The following SGCD variants were observed in gnomAD, a reference collection of about 807,000 sequenced individuals.
SGCD encodes delta-sarcoglycan.
SGCD carries 18 observed loss-of-function variants against 36.6 expected under a neutral mutation model. The observed-to-expected ratio is 0.49, with a 90% CI of 0.34 to 0.73. The LOEUF (loss-of-function observed/expected upper bound fraction) is 0.73, where lower values mean the gene tolerates loss of function less well. Ranked by LOEUF, SGCD falls within the 30% of genes least tolerant of loss-of-function variation. SGCD has a pLI of 0.01. For synonymous variants in SGCD, 133 were observed against 130.6 expected (o/e 1.02, Z -0.12); for missense variants, 387 against 346.7 (o/e 1.12, Z -0.92).
At chr5:156,025,973 T>G (rs1260892549) in intron 1 of SGCD, among the ~76,000 whole-genome samples, 1 of 152,252 alleles carries the variant, frequency 6.6e-6, no homozygotes, top group Admixed American at 6.5e-5. Flanking sequence ...CCAAGTTTCT[T>G]TGAGCCACAA....
At position 156,014,732 on chromosome 5, in the gene SGCD, A is replaced by G. The variant is rs556136702; in HGVS notation, c.-281-103146A>G. 3.7e-4 allele frequency among the ~76,000 whole-genome samples: 56 copies of G among 152,236 alleles called. No individual in the cohort carries two copies. In the South Asian group the frequency reaches 4.8e-3, roughly 13 times the overall value. Reference sequence around the variant, plus strand: ...CCTTGTGTACAGGATCTTGTCCAAGAGCAGTTTATTTTTCCTGTTTTTTAT... The same window carrying G: ...CCTTGTGTACAGGATCTTGTCCAAGGGCAGTTTATTTTTCCTGTTTTTTAT... On this transcript the variant is annotated intron_variant, in intron 1 of 9. Coordinates refer to the SGCD transcript ENST00000517913.
chr5:155,864,400 A>G, the SGCD span, among the ~76,000 whole-genome samples: 4,266 of 152,276 alleles, frequency 0.028, 102 homozygotes, highest in South Asian at 0.05. Flanking sequence ...ACTGAACTGA[A>G]AATGAGCCAA....
At chr5:156,621,051 T>C (rs1387537583) in intron 6 of SGCD, among the ~76,000 whole-genome samples, 2 of 152,272 alleles carry the variant, frequency 1.3e-5, no homozygotes, top group Non-Finnish European at 2.9e-5. Flanking sequence ...AGCTGTAGTG[T>C]AGGCAGTTCT....
intron 6 of SGCD, among the ~76,000 whole-genome samples, chr5:156,615,698 C>T (rs956708526): frequency 6.6e-6 from 1 of 152,172 alleles, no homozygotes; most frequent in Admixed American, 6.5e-5. Flanking sequence ...ACCACTGTTC[C>T]TGCTCTCTAT....
chr5:155,812,458 A>G, the SGCD span, among the ~76,000 whole-genome samples: 1 of 152,216 alleles, frequency 6.6e-6, no homozygotes, highest in Non-Finnish European at 1.5e-5. Flanking sequence ...TACAATAATC[A>G]GGAGCATTTC....
chr5:156,641,640 A>T (rs979700722), intron 6 of SGCD, among the ~76,000 whole-genome samples: 1 of 152,194 alleles, frequency 6.6e-6, no homozygotes, highest in Non-Finnish European at 1.5e-5. Flanking sequence ...AAAAAGCTGG[A>T]TATTATTTGT....
intron 3 of SGCD, among the ~76,000 whole-genome samples, chr5:156,213,008 T>C (rs924110302): frequency 6.6e-6 from 1 of 152,012 alleles, no homozygotes; most frequent in Non-Finnish European, 1.5e-5. Flanking sequence ...GCCAATTTAA[T>C]AGGGAAGTTT....
chr5:156,468,348 A>G (rs1342188200), intron 3 of SGCD, among the ~76,000 whole-genome samples: 2 of 151,292 alleles, frequency 1.3e-5, no homozygotes, highest in Admixed American at 1.3e-4. Context: ...TCTCAAAAAA[A>G]AAAAAAAAAA....
intron 1 of SGCD, among the ~76,000 whole-genome samples, chr5:156,044,623 A>G (rs151150508): frequency 1.0e-3 from 153 of 152,290 alleles, no homozygotes; most frequent in African/African-American, 3.5e-3. Context: ...GTGACAGTGG[A>G]AATTGGTGTA....
At chr5:156,451,752 A>T (rs531485991) in intron 3 of SGCD, among the ~76,000 whole-genome samples, 2 of 152,304 alleles carry the variant, frequency 1.3e-5, no homozygotes, top group East Asian at 3.9e-4. Context: ...ATCAAACTAC[A>T]ATATGGTACA....
At chr5:156,488,203 G>A (rs1366804323) in intron 3 of SGCD, among the ~76,000 whole-genome samples, 1 of 141,450 alleles carries the variant, frequency 7.1e-6, no homozygotes, top group Non-Finnish European at 1.5e-5. Flanking sequence ...ATGAATATTA[G>A]AATTTAGGGA....
chr5:156,429,839 A>G (rs1355388850), intron 3 of SGCD, among the ~76,000 whole-genome samples: 1 of 152,166 alleles, frequency 6.6e-6, no homozygotes, highest in Non-Finnish European at 1.5e-5. Context: ...GAGACCAAAG[A>G]TAGGACCCAA....
chr5:156,644,431 T>G (rs1326066351), intron 6 of SGCD, among the ~76,000 whole-genome samples: 1 of 152,084 alleles, frequency 6.6e-6, no homozygotes, highest in Non-Finnish European at 1.5e-5. Flanking sequence ...GGCTTTGATG[T>G]TTTAGTTAAG....
chr5:156,208,800 A>T (rs1764358668), intron 3 of SGCD, among the ~76,000 whole-genome samples: 1 of 152,192 alleles, frequency 6.6e-6, no homozygotes, highest in Admixed American at 6.5e-5. Context: ...GGTGGAATAG[A>T]ACTTTCCAGC....
chr5:155,824,504 A>G, the SGCD span, among the ~76,000 whole-genome samples: 1 of 152,154 alleles, frequency 6.6e-6, no homozygotes, highest in East Asian at 1.9e-4. Context: ...TGGGAAAATA[A>G]ATTCATTTTA....
At chr5:156,202,787 G>A (rs1764182070) in intron 3 of SGCD, among the ~76,000 whole-genome samples, 1 of 143,646 alleles carries the variant, frequency 7.0e-6, no homozygotes, top group Admixed American at 7.1e-5. Flanking sequence ...TAAAAAGACT[G>A]CAGTTTAAAC....
At chr5:155,892,776 A>ATTT (rs1283272419) in intron 1 of SGCD, among the ~76,000 whole-genome samples, 2 of 152,244 alleles carry the variant, frequency 1.3e-5, no homozygotes, top group African/African-American at 2.4e-5. Flanking sequence ...ATAGTATTAC[A>ATTT]TTGTGTATAT....
chr5:156,719,459 G>A (rs115170689), intron 7 of SGCD, among the ~76,000 whole-genome samples: 1,890 of 152,068 alleles, frequency 0.012, 43 homozygotes, highest in African/African-American at 0.044. Context: ...TCTGGACACC[G>A]TGTCCTAGCC....
intron 1 of SGCD, among the ~76,000 whole-genome samples, chr5:155,909,692 C>T (rs910255760): frequency 6.6e-6 from 1 of 152,160 alleles, no homozygotes; most frequent in African/African-American, 2.4e-5. Context: ...TTTGCTAAAC[C>T]CTTAAATTGA....
Sources: gnomAD v4.1 joint callset for allele counts (sites outside exome capture counted in the v4.1 genomes callset) on GRCh38, gnomAD v4.1.1 for gene constraint, MANE v1.5 for transcripts, NCBI Gene and HGNC (gene_info 2026-07-23, HGNC 2026-07-21) for gene names.